Variants in B4GALT4 observed in about 807,000 individuals in gnomAD.
B4GALT4 encodes the protein beta-1,4-galactosyltransferase 4.
Under a neutral mutation model 37.3 loss-of-function variants are expected in B4GALT4, and 27 were observed. That is an observed-to-expected ratio of 0.72 (90% CI 0.53 to 1.00). The LOEUF (loss-of-function observed/expected upper bound fraction) is 1.00. B4GALT4 is among the 50% of genes least tolerant of loss of function. The probability of loss-of-function intolerance (pLI) is 0.00; values close to 1 mark genes in which losing one functional copy is unlikely to be tolerated. For synonymous variants in B4GALT4, 148 were observed against 154.1 expected, an observed-to-expected ratio of 0.96 and a Z score of 0.29; for missense variants, 372 against 413.1, an observed-to-expected ratio of 0.90 and a Z score of 0.86.
At chr3:119,228,044 C>T (rs919295742) in intron 3 of B4GALT4, among the ~76,000 whole-genome samples, 1 of 152,074 alleles carries the variant, frequency 6.6e-6, no homozygotes, top group African/African-American at 2.4e-5. Context: ...TCAGTAATGC[C>T]CTAAAAACAA....
At chr3:119,226,707 G>A (rs1171591130) in intron 4 of B4GALT4, 102 bp downstream of exon 4, 3 of 959,764 alleles carry the variant, frequency 3.1e-6, no homozygotes, top group Non-Finnish European at 4.6e-6. Context: ...TTTGATGATA[G>A]TCTGATGTTC....
At chr3:119,221,355 ATGTG>A (rs1553746944) in intron 5 of B4GALT4, among the ~76,000 whole-genome samples, 1 of 152,218 alleles carries the variant, frequency 6.6e-6, no homozygotes, top group Non-Finnish European at 1.5e-5. Context: ...TTCCCTCTGC[ATGTG>A]TGTAAGGTGA....
intron 5 of B4GALT4, among the ~76,000 whole-genome samples, chr3:119,221,340 A>G (rs1273098655): frequency 6.6e-6 from 1 of 152,166 alleles, no homozygotes; most frequent in Non-Finnish European, 1.5e-5. Flanking sequence ...ACTTACTTTA[A>G]CTTCTTCCCT....
chr3:119,234,112 A>G (rs1054020878), intron 2 of B4GALT4, among the ~76,000 whole-genome samples: 1 of 151,466 alleles, frequency 6.6e-6, no homozygotes, highest in African/African-American at 2.4e-5. Context: ...TTTCCAGGAC[A>G]CAAGTTTTTT....
intron 5 of B4GALT4, among the ~76,000 whole-genome samples, chr3:119,223,516 G>A (rs1206507485): frequency 6.6e-6 from 1 of 152,192 alleles, no homozygotes; most frequent in Non-Finnish European, 1.5e-5. Context: ...AGACACAGAT[G>A]ATGGCATCTG....
At chr3:119,239,679 T>C (rs1188622328) in intron 1 of B4GALT4, among the ~76,000 whole-genome samples, 1 of 152,242 alleles carries the variant, frequency 6.6e-6, no homozygotes, top group Non-Finnish European at 1.5e-5. Flanking sequence ...TCCAGGTCAG[T>C]ACTTTTTCAC....
At chr3:119,238,701 G>A (rs551070996) in intron 1 of B4GALT4, among the ~76,000 whole-genome samples, 139 of 152,184 alleles carry the variant, frequency 9.1e-4, no homozygotes, top group Admixed American at 1.8e-3. Flanking sequence ...AAAAAACAGC[G>A]TATATAGGGT....
At position 119,230,122 on chromosome 3, in the gene B4GALT4, T is replaced by C; in HGVS notation, c.-23A>G. 6.2e-7 allele frequency: 1 copy of C among 1,612,290 alleles called. No homozygotes were observed. The highest frequency in any genetic ancestry group is 1.3e-5 in the African/African-American group (1 of 74,964). On this transcript the variant is annotated 5_prime_UTR_variant, in exon 3 of 8. Transcript: ENST00000393765. ...CATGTTTTTTATTACGTGAATAATATCTATCTCTCTGCTTCACTGCAGGCA... is the reference window on the plus strand; with the variant it reads ...CATGTTTTTTATTACGTGAATAATACCTATCTCTCTGCTTCACTGCAGGCA...
intron 3 of B4GALT4, among the ~76,000 whole-genome samples, chr3:119,228,826 T>C (rs2078712001): frequency 1.3e-5 from 2 of 151,864 alleles, no homozygotes. Context: ...AAAGCACTTA[T>C]AAAAAGAGCA....
intron 3 of B4GALT4, among the ~76,000 whole-genome samples, chr3:119,228,176 T>C (rs908053512): frequency 1.6e-4 from 25 of 152,170 alleles, no homozygotes; most frequent in Admixed American, 1.6e-3. Flanking sequence ...ACAATCCCCA[T>C]CGTTAACCTG....
chr3:119,239,487 A>G (rs901471173), intron 1 of B4GALT4, among the ~76,000 whole-genome samples: 3 of 152,220 alleles, frequency 2.0e-5, no homozygotes, highest in Non-Finnish European at 2.9e-5. Flanking sequence ...ATCTTCAAAG[A>G]GAAGGTTAGT....
chr3:119,219,370 A>G (rs1429109489), intron 5 of B4GALT4, among the ~76,000 whole-genome samples: 4 of 152,234 alleles, frequency 2.6e-5, no homozygotes, highest in Admixed American at 1.3e-4. Context: ...CCAACCAGAC[A>G]GAGTCTAGGT....
At chr3:119,226,157 A>T (rs1162744743) in intron 4 of B4GALT4, among the ~76,000 whole-genome samples, 1 of 152,216 alleles carries the variant, frequency 6.6e-6, no homozygotes, top group Non-Finnish European at 1.5e-5. Flanking sequence ...TTCTTTCAAT[A>T]AACTTTAATG....
At chr3:119,218,614 A>T (rs747667970) in intron 6 of B4GALT4, 36 bp downstream of exon 6, 1 of 1,613,788 alleles carries the variant, frequency 6.2e-7, no homozygotes, top group East Asian at 2.2e-5. Context: ...CACTGAGTGC[A>T]GAGCCCCGTG....
chr3:119,218,846 A>G (rs891303578), intron 5 of B4GALT4, 74 bp from the exon 6 acceptor site: 5 of 1,566,150 alleles, frequency 3.2e-6, no homozygotes, highest in Admixed American at 3.4e-5. Flanking sequence ...CTGGCGTTCT[A>G]GGAACACCTG....
intron 3 of B4GALT4, 21 bp from the exon 4 acceptor site, chr3:119,227,062 A>G: frequency 6.2e-7 from 1 of 1,600,500 alleles, no homozygotes; most frequent in Non-Finnish European, 8.6e-7. Context: ...CATAGGACAC[A>G]GACAATAACA....
chr3:119,216,927 T>C (rs1424553057), intron 6 of B4GALT4, among the ~76,000 whole-genome samples: 2 of 152,246 alleles, frequency 1.3e-5, no homozygotes, highest in Admixed American at 1.3e-4. Context: ...ATAATCTGCA[T>C]GGAACATGCT....
chr3:119,235,582 G>C (rs759781357), intron 2 of B4GALT4, among the ~76,000 whole-genome samples: 2 of 152,180 alleles, frequency 1.3e-5, no homozygotes, highest in East Asian at 3.8e-4. Flanking sequence ...GTTCCTAGGA[G>C]TTTACCTTTT....
Position 119,212,214 on chromosome 3 carries a change from A to G in B4GALT4, c.*335T>C, listed in dbSNP as rs1559909089. 1.4e-6 allele frequency: 1 copy of G among 702,972 alleles called. No homozygotes were observed. Among genetic ancestry groups the G allele is most frequent in the Non-Finnish European group, 2.6e-6 (1 of 385,008 alleles). 43.5% of individuals were successfully genotyped at this position (702,972 alleles called of 1,614,324 possible). ...ATTTCCTGTGGCCTTTTATCCCATA[A>G]TATATTACTTCAAATTTAAATAAAT... On this transcript the variant is annotated 3_prime_UTR_variant, in exon 8 of 8. Transcript: ENST00000393765.
Sources: allele counts gnomAD v4.1 joint callset (sites outside exome capture counted in the v4.1 genomes callset), GRCh38; gene constraint gnomAD v4.1.1; transcripts MANE v1.5; gene names NCBI Gene and HGNC (gene_info 2026-07-23, HGNC 2026-07-21).